The following RIN3 variants were observed in gnomAD, a reference collection of about 807,000 sequenced individuals.
RIN3 encodes RAB5 interacting protein 3.
In RIN3, 54 loss-of-function variants were observed where a neutral mutation model predicts 76.3. That is an observed-to-expected ratio of 0.71 (90% CI 0.57 to 0.89). The LOEUF (loss-of-function observed/expected upper bound fraction) is 0.89. Ranked by LOEUF, RIN3 falls within the 40% of genes least tolerant of loss-of-function variation. The probability of loss-of-function intolerance (pLI) is 0.00; values close to 1 mark genes in which losing one functional copy is unlikely to be tolerated. For missense variants in RIN3, 1,256 were observed against 1,322.1 expected (o/e 0.95, Z 0.78); for synonymous variants, 576 against 564.0 (o/e 1.02, Z -0.30).
intron 4 of RIN3, among the ~76,000 whole-genome samples, chr14:92,626,717 G>A (rs1321071010): frequency 2.6e-5 from 4 of 152,170 alleles, no homozygotes; most frequent in Admixed American, 6.5e-5. Flanking sequence ...CAGGGTAGCA[G>A]CAGCTGCCTG....
Position 92,517,925 on chromosome 14 carries a change from C to T in RIN3, c.44+3949C>T, listed in dbSNP as rs181297823. ...TAATTGCCCTCAGGTGACATGCTGT[C>T]CTATTTAAAAGGTCCCTCAAGAAAG... On this transcript the variant is annotated intron_variant, in intron 1 of 9. Transcript: ENST00000216487. Among the ~76,000 whole-genome samples the T allele has an allele frequency of 2.3e-3, 356 of 152,308 alleles. 3 individuals are homozygous for T. Among genetic ancestry groups the T allele is most frequent in the Non-Finnish European group, 4.2e-3 (288 of 68,026 alleles).
At chr14:92,630,140 T>C (rs1405869241) in intron 4 of RIN3, among the ~76,000 whole-genome samples, 4 of 152,212 alleles carry the variant, frequency 2.6e-5, no homozygotes, top group African/African-American at 9.7e-5. Context: ...TTCTGTTAAA[T>C]GGGAATGATA....
chr14:92,536,743 A>AAG (rs1491131305), intron 1 of RIN3, among the ~76,000 whole-genome samples: 204 of 13,430 alleles, frequency 0.015, 1 homozygote, highest in African/African-American at 0.056. Flanking sequence ...TCCGTCTCAG[A>AAG]AAAAAAAAAA....
intron 3 of RIN3, chr14:92,586,454 C>T (rs1884781103): frequency 6.6e-6 from 1 of 152,194 alleles, no homozygotes; most frequent in Non-Finnish European, 1.5e-5. Context: ...CAGCATTCCC[C>T]TTTTCAGCCT....
chr14:92,625,808 G>C (rs1407528293), intron 4 of RIN3, among the ~76,000 whole-genome samples: 1 of 152,164 alleles, frequency 6.6e-6, no homozygotes, highest in Non-Finnish European at 1.5e-5. Flanking sequence ...GCCGTCTGTT[G>C]GAAGGTGGAT....
rs535653973 is a variant in RIN3 at position 92,523,529 on chromosome 14, C to T, written c.44+9553C>T. ...AGCACCAGATTATATGCCCGAAGTA[C>T]TCAGCTGCTTTGCAGGGCGACCTGC... On this transcript the variant is annotated intron_variant, in intron 1 of 9. Transcript: ENST00000216487. 7.9e-5 allele frequency among the ~76,000 whole-genome samples: 12 copies of T among 152,380 alleles called. No individual in the cohort carries two copies. The South Asian group carries it at 1.9e-3, about 24-fold the overall frequency.
chr14:92,676,330 C>T (rs1409458788), intron 7 of RIN3, 145 bp from the exon 8 acceptor site: 8 of 958,666 alleles, frequency 8.3e-6, no homozygotes, highest in Non-Finnish European at 1.3e-5. Flanking sequence ...TCCTCTCTGT[C>T]CTGAGAGTCA....
At chr14:92,614,987 G>A (rs1402327241) in intron 3 of RIN3, among the ~76,000 whole-genome samples, 1 of 151,650 alleles carries the variant, frequency 6.6e-6, no homozygotes, top group African/African-American at 2.4e-5. Flanking sequence ...GGGATTACAG[G>A]TGCCTGCCAC....
At chr14:92,578,882 G>A (rs1250111401) in intron 3 of RIN3, among the ~76,000 whole-genome samples, 1 of 151,970 alleles carries the variant, frequency 6.6e-6, no homozygotes. Context: ...TGATCTTGTG[G>A]CCTCTGGCTA....
chr14:92,594,340 G>A (rs1382440108), intron 3 of RIN3, among the ~76,000 whole-genome samples: 6 of 151,324 alleles, frequency 4.0e-5, no homozygotes, highest in African/African-American at 1.5e-4. Flanking sequence ...GCTGAGGCAG[G>A]AGAATCACCT....
intron 8 of RIN3, among the ~76,000 whole-genome samples, chr14:92,680,045 T>C (rs1259971183): frequency 1.3e-5 from 2 of 152,096 alleles, no homozygotes; most frequent in Admixed American, 1.3e-4. Flanking sequence ...TTTGGAACCA[T>C]GGAAATGTAT....
chr14:92,611,925 G>A (rs899467308), intron 3 of RIN3, among the ~76,000 whole-genome samples: 4 of 152,176 alleles, frequency 2.6e-5, no homozygotes, highest in South Asian at 2.1e-4. Context: ...TTACAATCAC[G>A]GTTTAAAGGA....
Position 92,639,498 on chromosome 14 carries a change from G to C in RIN3, c.441-1740G>C, listed in dbSNP as rs111722935. ...GCAGGTGGGATAATGAGGAAGGAGC[G>C]GGAGACATGGCTGGAAAGGGGGTCC... On this transcript the variant is annotated intron_variant, in intron 4 of 9. Transcript: ENST00000216487. Among the ~76,000 whole-genome samples the C allele has an allele frequency of 1.6e-3, 238 of 152,262 alleles. 1 individual carries two copies. The highest frequency in any genetic ancestry group is 5.4e-3 in the African/African-American group (223 of 41,554).
intron 1 of RIN3, among the ~76,000 whole-genome samples, chr14:92,532,951 A>C (rs929794794): frequency 7.2e-5 from 11 of 152,120 alleles, no homozygotes; most frequent in African/African-American, 2.2e-4. Flanking sequence ...TGGCCTTGAC[A>C]TGTACCAGCC....
At chr14:92,544,451 A>C (rs1897207233) in intron 1 of RIN3, among the ~76,000 whole-genome samples, 1 of 147,380 alleles carries the variant, frequency 6.8e-6, no homozygotes, top group South Asian at 2.1e-4. Flanking sequence ...GGTCCCAAAA[A>C]GTCCCCTGGG....
intron 4 of RIN3, among the ~76,000 whole-genome samples, chr14:92,633,801 A>G (rs1886672476): frequency 2.0e-5 from 3 of 152,236 alleles, no homozygotes. Flanking sequence ...ACTAGAAACT[A>G]TCAGAATCTC....
chr14:92,648,410 C>A lies in RIN3; in HGVS notation c.533-3172C>A, dbSNP rs543563424. ...CTGTGCCTAATGGAGCCATCCTGTC[C>A]CGTGGCAGGCTGCCCGGCTGGTGGC... On this transcript the variant is annotated intron_variant, in intron 5 of 9. Transcript: ENST00000216487. This position sits in a 1 kb window ranked among gnomAD's most constrained non-coding sequence, Gnocchi z 4.1. 1.3e-5 allele frequency among the ~76,000 whole-genome samples: 2 copies of A among 152,352 alleles called. No homozygotes were observed. The highest frequency in any genetic ancestry group is 1.3e-4 in the Admixed American group (2 of 15,302).
At chr14:92,532,317 CA>C (rs1180830879) in intron 1 of RIN3, among the ~76,000 whole-genome samples, 1 of 152,132 alleles carries the variant, frequency 6.6e-6, no homozygotes, top group Non-Finnish European at 1.5e-5. Flanking sequence ...GAATAGACCC[CA>C]GATAACTTTC....
chr14:92,528,590 G>A (rs1779063905), intron 1 of RIN3, among the ~76,000 whole-genome samples: 1 of 152,192 alleles, frequency 6.6e-6, no homozygotes, highest in Admixed American at 6.5e-5. Flanking sequence ...TGGGGGTGTG[G>A]ACGGCATGAT....
Sources: gnomAD v4.1 joint callset for allele counts (sites outside exome capture counted in the v4.1 genomes callset) on GRCh38, gnomAD v4.1.1 for gene constraint, Gnocchi (gnomAD v3.1) non-coding constraint, MANE v1.5 for transcripts, NCBI Gene and HGNC (gene_info 2026-07-23, HGNC 2026-07-21) for gene names.